Variants in NPTXR observed in about 807,000 individuals in gnomAD.
NPTXR encodes the protein neuronal pentraxin receptor.
Under a neutral mutation model 32.2 loss-of-function variants are expected in NPTXR, and 12 were observed. The observed-to-expected ratio is 0.37, with a 90% CI of 0.24 to 0.60. The LOEUF (loss-of-function observed/expected upper bound fraction) is 0.60, where lower values mean the gene tolerates loss of function less well. Ranked by LOEUF, NPTXR falls within the 20% of genes least tolerant of loss-of-function variation. The pLI is 0.66. For synonymous variants in NPTXR, 323 were observed against 315.8 expected, an observed-to-expected ratio of 1.02 and a Z score of -0.24; for missense variants, 612 against 682.9, an observed-to-expected ratio of 0.90 and a Z score of 1.16.
rs1603245084 is a variant in NPTXR at position 38,826,747 on chromosome 22, C to A, written c.851G>T (p.Gly284Val). 6.2e-7 allele frequency: 1 copy of A among 1,610,660 alleles called. No individual in the cohort carries two copies. Among genetic ancestry groups the A allele is most frequent in the Non-Finnish European group, 8.5e-7 (1 of 1,177,620 alleles). ...ATCTGGAGGACTGTAGGCTGAGGAC[C>A]CTGAGGGTGGGCAAGGCAGACATGG... Residue 284 changes from glycine (G) to valine (V), a missense_variant and splice_region_variant, in exon 3 of 5, where the codon GGG (glycine) becomes GTG (valine). Gly to Val is a moderately radical substitution (Grantham distance 109, BLOSUM62 -3). Transcript: ENST00000333039.
intron 1 of NPTXR, among the ~76,000 whole-genome samples, chr22:38,831,204 C>T (rs547043981): frequency 2.6e-4 from 40 of 152,210 alleles, no homozygotes; most frequent in African/African-American, 8.9e-4. Flanking sequence ...CCCTGGAGTT[C>T]GAGACCAGCC....
intron 1 of NPTXR, 72 bp from the exon 2 acceptor site, chr22:38,828,584 C>T: frequency 7.8e-7 from 1 of 1,285,682 alleles, no homozygotes. Context: ...CAGATGCCTA[C>T]CGCCCCTGCT....
At chr22:38,839,732 C>A (rs1241651497) in intron 1 of NPTXR, among the ~76,000 whole-genome samples, 2 of 151,632 alleles carry the variant, frequency 1.3e-5, no homozygotes, top group African/African-American at 4.8e-5. Flanking sequence ...AATCAACAGA[C>A]TTAAAAACAA....
At position 38,825,840 on chromosome 22, in the gene NPTXR, C is replaced by CT. The variant is rs11364544; in HGVS notation, c.1098+659dup. ...CTGTGCACCTCCCTTCTCTCTCTCT[C>CT]TTTTTTTTTTTTTTTTTTTTGACAC... On this transcript the variant is annotated intron_variant, in intron 3 of 4. Transcript: ENST00000333039. Among the ~76,000 whole-genome samples the CT allele has an allele frequency of 8.1e-3, 930 of 115,446 alleles. 12 individuals carry two copies. Among genetic ancestry groups the CT allele is most frequent in the Middle Eastern group, 0.024 (5 of 212 alleles). 75.7% of individuals were successfully genotyped at this position (115,446 alleles called of 152,430 possible). A position where few individuals can be genotyped will look rare whatever the true frequency, so the allele number is the denominator to read the frequency against.
In NPTXR at chr22:38,828,468, TG is replaced by T; in HGVS notation, c.668del (p.Pro223GlnfsTer130). On this transcript the variant is annotated frameshift_variant, in exon 2 of 5. Coordinates refer to ENST00000333039, the MANE Select transcript of NPTXR (RefSeq NM_014293.4). LOFTEE classifies it high-confidence loss of function. Reference sequence around the variant, plus strand: ...GTAGGCCGGTGGGCACAGCAGAGACTGGGGCTGGGGCAGCTGAGAGGTTCAC... The same window carrying T: ...GTAGGCCGGTGGGCACAGCAGAGACTGGGCTGGGGCAGCTGAGAGGTTCAC... 2 of 1,609,968 alleles carry T rather than the reference TG, an allele frequency of 1.2e-6. No homozygotes were observed. The highest frequency in any genetic ancestry group is 1.1e-5 in the South Asian group (1 of 90,578).
chr22:38,838,445 A>T (rs1255553265), intron 1 of NPTXR, among the ~76,000 whole-genome samples: 2 of 152,056 alleles, frequency 1.3e-5, no homozygotes, highest in Non-Finnish European at 2.9e-5. Context: ...TCTTGCAGCA[A>T]GTCTCTCGGC....
At chr22:38,840,393 AG>A (rs1369059103) in intron 1 of NPTXR, among the ~76,000 whole-genome samples, 2 of 152,118 alleles carry the variant, frequency 1.3e-5, no homozygotes, top group Non-Finnish European at 2.9e-5. Flanking sequence ...GTGGTAGCCT[AG>A]GAGCAGGCCG....
intron 1 of NPTXR, among the ~76,000 whole-genome samples, chr22:38,840,299 G>A (rs1256569431): frequency 6.6e-6 from 1 of 152,158 alleles, no homozygotes; most frequent in Non-Finnish European, 1.5e-5. Flanking sequence ...ACTCTAAGAT[G>A]TGGAGCAGGA....
chr22:38,838,573 A>ACTT lies in NPTXR; in HGVS notation c.624+4661_624+4662insAAG, dbSNP rs200891254. ...GCACAGGCACCGCCCTCACCTGGCT[A>ACTT]TTTTTTTTTTTTTTTTTTTTTTTTT... On this transcript the variant is annotated intron_variant, in intron 1 of 4. Transcript: ENST00000333039. Among the ~76,000 whole-genome samples, 9 of 83,188 alleles carry ACTT rather than the reference A, an allele frequency of 1.1e-4. 1 individual carries two copies. The highest frequency in any genetic ancestry group is 2.7e-4 in the Admixed American group (2 of 7,394). 54.6% of individuals were successfully genotyped at this position (83,188 alleles called of 152,430 possible). A position where few individuals can be genotyped will look rare whatever the true frequency, so the allele number is the denominator to read the frequency against.
chr22:38,840,560 A>AG (rs1337622572), intron 1 of NPTXR, among the ~76,000 whole-genome samples: 1 of 151,750 alleles, frequency 6.6e-6, no homozygotes, highest in Non-Finnish European at 1.5e-5. Flanking sequence ...GGGGAGAGGG[A>AG]GGGGCCAAGG....
At chr22:38,833,214 G>A (rs1367190556) in intron 1 of NPTXR, among the ~76,000 whole-genome samples, 1 of 152,240 alleles carries the variant, frequency 6.6e-6, no homozygotes, top group African/African-American at 2.4e-5. Context: ...CCAGCTGGCA[G>A]TGAGGCAGAG....
At position 38,826,648 on chromosome 22, in the gene NPTXR, T is replaced by C; in HGVS notation, c.950A>G (p.Tyr317Cys). ...CAGCCACATGCAGGCGGTGAATGCGTAGAGCTCGGGCAGAGCCTTCCGCAC... is the reference window on the plus strand; with the variant it reads ...CAGCCACATGCAGGCGGTGAATGCGCAGAGCTCGGGCAGAGCCTTCCGCAC... The change falls in exon 3 of 5, where the codon TAC becomes TGC. Residue 317 changes from tyrosine to cysteine, a missense_variant. By Grantham distance (194) the Tyr-to-Cys change is radical. Transcript: ENST00000333039. 1.9e-6 allele frequency: 3 copies of C among 1,614,240 alleles called. No homozygotes were observed. Among genetic ancestry groups the C allele is most frequent in the Non-Finnish European group, 2.5e-6 (3 of 1,180,026 alleles).
At position 38,819,125 on chromosome 22, in the gene NPTXR, C is replaced by T. The variant is rs1259807628; in HGVS notation, c.*3484G>A. On this transcript the variant is annotated 3_prime_UTR_variant, in exon 5 of 5. Transcript: ENST00000333039. ...CCTTGGGATGTTGGTGGGGGCACCA[C>T]ATGCCACAAGATGGGAAGATCTGGC... The T allele has an allele frequency of 6.6e-6, 1 of 152,280 alleles. No individual in the cohort carries two copies. Among genetic ancestry groups the T allele is most frequent in the Non-Finnish European group, 1.5e-5 (1 of 68,090 alleles). 9.4% of individuals were successfully genotyped at this position (152,280 alleles called of 1,614,324 possible). A position where few individuals can be genotyped will look rare whatever the true frequency, so the allele number is the denominator to read the frequency against.
In NPTXR at chr22:38,834,359, C is replaced by T. The variant is rs182010821; in HGVS notation, c.625-5847G>A. ...CCCGACAGGACATAGGTCACGCCCACTGAAAGTCCTCTGCTGCTCAACTGC... is the reference window on the plus strand; with the variant it reads ...CCCGACAGGACATAGGTCACGCCCATTGAAAGTCCTCTGCTGCTCAACTGC... On this transcript the variant is annotated intron_variant, in intron 1 of 4. Coordinates refer to ENST00000333039, the MANE Select transcript of NPTXR (RefSeq NM_014293.4). The surrounding 1 kb of genome is among the most constrained non-coding windows in gnomAD (Gnocchi z 4.4). 6.6e-5 allele frequency among the ~76,000 whole-genome samples: 10 copies of T among 152,316 alleles called. No homozygotes were observed. The highest frequency in any genetic ancestry group is 1.0e-4 in the Non-Finnish European group (7 of 68,026).
At chr22:38,835,323 A>G (rs1036155920) in intron 1 of NPTXR, among the ~76,000 whole-genome samples, 1 of 152,118 alleles carries the variant, frequency 6.6e-6, no homozygotes, top group African/African-American at 2.4e-5. Context: ...GAAACCCCAT[A>G]CTGCCACCCT....
chr22:38,822,502 T>C lies in NPTXR; in HGVS notation c.*107A>G. On this transcript the variant is annotated 3_prime_UTR_variant, in exon 5 of 5. Coordinates refer to ENST00000333039, the MANE Select transcript of NPTXR (RefSeq NM_014293.4). Reference sequence around the variant, plus strand: ...GGGAAATGGGAGGCACAGCCAGGAGTGGGGCAGGAGGGAAGGCCAGTGCGT... The same window carrying C: ...GGGAAATGGGAGGCACAGCCAGGAGCGGGGCAGGAGGGAAGGCCAGTGCGT... 1.1e-6 allele frequency: 1 copy of C among 927,820 alleles called. No homozygotes were observed. The highest frequency in any genetic ancestry group is 1.7e-6 in the Non-Finnish European group (1 of 600,494). The allele number at this position is 927,820 out of a possible 1,614,324, so 57.5% of individuals were successfully genotyped here. A position where few individuals can be genotyped will look rare whatever the true frequency, so the allele number is the denominator to read the frequency against.
At chr22:38,827,694 C>T (rs556598052) in intron 2 of NPTXR, among the ~76,000 whole-genome samples, 11 of 152,304 alleles carry the variant, frequency 7.2e-5, no homozygotes, top group South Asian at 2.1e-4. Flanking sequence ...GAGTCCTAAA[C>T]CCCTATTTCT....
chr22:38,824,764 G>C (rs2093103748), intron 3 of NPTXR, among the ~76,000 whole-genome samples: 1 of 152,170 alleles, frequency 6.6e-6, no homozygotes, highest in African/African-American at 2.4e-5. Context: ...CAGCCAGGGG[G>C]TGATGAAGGG....
At position 38,843,957 on chromosome 22, in the gene NPTXR, GGGAGCC is replaced by G. The variant is rs537043647; in HGVS notation, c.-105_-100del. The G allele has an allele frequency of 1.2e-3, 858 of 695,304 alleles. 3 individuals are homozygous for G. In the African/African-American group the frequency reaches 0.013, roughly 10 times the overall value. The allele number at this position is 695,304 out of a possible 1,614,324, so 43.1% of individuals were successfully genotyped here. On this transcript the variant is annotated 5_prime_UTR_variant, in exon 1 of 5. Transcript: ENST00000333039. This position sits in a 1 kb window ranked among gnomAD's most constrained non-coding sequence, Gnocchi z 5.3. ...GCGCTGGGCCGAGCGGGGCAGGCGC[GGGAGCC>G]GGAGCCGGAGCCGGAGCCGGAGCCG...
Sources: allele counts gnomAD v4.1 joint callset (sites outside exome capture counted in the v4.1 genomes callset), GRCh38; gene constraint gnomAD v4.1.1; non-coding constraint Gnocchi (gnomAD v3.1); transcripts MANE v1.5; gene names NCBI Gene and HGNC (gene_info 2026-07-23, HGNC 2026-07-21).